Variants in CAMSAP3 observed in about 807,000 individuals in gnomAD.
CAMSAP3 encodes calmodulin regulated spectrin associated protein family member 3, also known as calmodulin-regulated spectrin-associated protein 3.
In CAMSAP3, 34 loss-of-function variants were observed where a neutral mutation model predicts 112.5. The ratio of observed to expected loss-of-function variants is 0.30; its 90% CI spans 0.23 to 0.40. The LOEUF is 0.40. Among genes scored for constraint, CAMSAP3 ranks in the 10% least tolerant of loss-of-function variants. The probability of loss-of-function intolerance (pLI) is 1.00; values close to 1 mark genes in which losing one functional copy is unlikely to be tolerated. For missense variants in CAMSAP3, 1,602 were observed against 1,770.3 expected, an observed-to-expected ratio of 0.90 and a Z score of 1.71; for synonymous variants, 868 against 799.8, an observed-to-expected ratio of 1.09 and a Z score of -1.44.
chr19:7,610,988 G>C lies in CAMSAP3; in HGVS notation c.1049+57G>C. ...ATTGTGGGTGTGGGGCTCCATGTCT[G>C]CCTTGCTGAGCACTGGGACGCAGCT... On this transcript the variant is annotated intron_variant, in intron 8 of 16. Transcript: ENST00000160298. The surrounding 1 kb of genome is among the most constrained non-coding windows in gnomAD (Gnocchi z 4.9). 6.3e-7 allele frequency: 1 copy of C among 1,579,436 alleles called. No homozygotes were observed. The highest frequency in any genetic ancestry group is 8.6e-7 in the Non-Finnish European group (1 of 1,156,480).
At chr19:7,614,259 CAAAAAAAAAAAA>C (rs1173068955) in intron 11 of CAMSAP3, among the ~76,000 whole-genome samples, 1 of 18,772 alleles carries the variant, frequency 5.3e-5, no homozygotes, top group African/African-American at 2.6e-4. Context: ...GACTCCATCT[CAAAAAAAAAAAA>C]AAAAAAAAAA....
rs1317509279 is a variant in CAMSAP3 at position 7,615,561 on chromosome 19, G to A, written c.2954G>A (p.Arg985Gln). Residue 985 changes from arginine (R) to glutamine (Q), a missense_variant, in exon 13 of 17, where the codon CGG (arginine) becomes CAG (glutamine). By Grantham distance (43) the Arg-to-Gln change is conservative (BLOSUM62 1). This residue lies in a region of CAMSAP3 where 1,100 missense variants were observed against 1,135.7 expected (regional missense o/e 0.97). Coordinates refer to ENST00000160298, the MANE Select transcript of CAMSAP3 (RefSeq NM_020902.2). The surrounding 1 kb of genome is among the most constrained non-coding windows in gnomAD (Gnocchi z 6.5). ...TTCACGCGGCAGGAGTACGAGCGCC[G>A]GGCCCAGCTGAAGCTGATGGACGAC... The part of the protein sequence containing the change: ...GDFTRQEYER[R>Q]AQLKLMDDLD... 5 of 1,517,554 alleles carry A rather than the reference G, an allele frequency of 3.3e-6. No homozygotes were observed. The highest frequency in any genetic ancestry group is 4.4e-6 in the Non-Finnish European group (5 of 1,133,562). 94.0% of individuals were successfully genotyped at this position (1,517,554 alleles called of 1,614,324 possible).
chr19:7,609,923 G>A (rs921617412), intron 5 of CAMSAP3, among the ~76,000 whole-genome samples: 5 of 152,090 alleles, frequency 3.3e-5, no homozygotes, highest in East Asian at 1.9e-4. Flanking sequence ...GACGGGGAGC[G>A]GCTGTAAATA....
rs868386337 is a variant in CAMSAP3, at chr19:7,605,423, G to A, written c.346G>A (p.Ala116Thr). Reference protein sequence around the residue: ...ALLARRGTVPALPERPVREAD... With the variant: ...ALLARRGTVPTLPERPVREAD... ...GCTGGCGCGGAGGGGCACAGTGCCT[G>A]CTTTGCCCGAGCGCCCGGTGCGCGA... Residue 116 changes from alanine (A) to threonine (T), a missense_variant, in exon 2 of 17, where the codon GCT becomes ACT. Around this residue, in one of 6 missense-constraint regions of CAMSAP3, gnomAD observed 35 missense variants for 79.8 expected, o/e 0.44. Transcript: ENST00000160298. 4.1e-6 allele frequency: 6 copies of A among 1,473,072 alleles called. No homozygotes were observed. The Middle Eastern group carries it at 5.4e-4, about 133-fold the overall frequency. 91.3% of individuals were successfully genotyped at this position (1,473,072 alleles called of 1,614,324 possible).
chr19:7,615,234 G>C lies in CAMSAP3; in HGVS notation c.2722G>C (p.Glu908Gln). Residue 908 changes from glutamate (E) to glutamine (Q), a missense_variant, in exon 12 of 17, where the codon GAG becomes CAG. Coordinates refer to ENST00000160298, the MANE Select transcript of CAMSAP3 (RefSeq NM_020902.2). The surrounding 1 kb of genome is among the most constrained non-coding windows in gnomAD (Gnocchi z 6.5). ...EMAQKRASLL[E>Q]RQQRRAEEAR... ...GGCCCAAAAGCGGGCCAGCCTGCTG[G>C]AGCGGCAGCAGCGGCGAGCAGAGGA... is the stretch of plus-strand genomic sequence containing the variant. 1.3e-6 allele frequency: 2 copies of C among 1,552,300 alleles called. No individual in the cohort carries two copies. Among genetic ancestry groups the C allele is most frequent in the Non-Finnish European group, 1.7e-6 (2 of 1,148,046 alleles).
chr19:7,601,510 G>C (rs1032791787), intron 1 of CAMSAP3, among the ~76,000 whole-genome samples: 9 of 151,900 alleles, frequency 5.9e-5, no homozygotes, highest in Non-Finnish European at 1.3e-4. Flanking sequence ...GTAGAGGTGG[G>C]GTTTCACCAT....
At position 7,607,411 on chromosome 19, in the gene CAMSAP3, C is replaced by T. The variant is rs1049477045; in HGVS notation, c.622-715C>T. Among the ~76,000 whole-genome samples, 2 of 152,212 alleles carry T rather than the reference C, an allele frequency of 1.3e-5. No homozygotes were observed. The highest frequency in any genetic ancestry group is 6.5e-5 in the Admixed American group (1 of 15,286). ...TGTGACCTTGCAGAAGTATCTAAAC[C>T]TCTCTGTGCTTCATATAAATTACTC... On this transcript the variant is annotated intron_variant, in intron 4 of 16. Coordinates refer to ENST00000160298, the MANE Select transcript of CAMSAP3 (RefSeq NM_020902.2). The surrounding 1 kb of genome is among the most constrained non-coding windows in gnomAD (Gnocchi z 4.9).
At chr19:7,606,712 C>T (rs1413740681) in intron 4 of CAMSAP3, 141 bp downstream of exon 4, 1 of 1,608,024 alleles carries the variant, frequency 6.2e-7, no homozygotes, top group African/African-American at 1.3e-5. Context: ...CTCTCAATCT[C>T]TCTGTGCCCT....
At position 7,611,269 on chromosome 19, in the gene CAMSAP3, C is replaced by T; in HGVS notation, c.1123+101C>T. 1 of 1,203,314 alleles carries T rather than the reference C, an allele frequency of 8.3e-7. No individual in the cohort carries two copies. The highest frequency in any genetic ancestry group is 1.2e-6 in the Non-Finnish European group (1 of 826,546). 74.5% of individuals were successfully genotyped at this position (1,203,314 alleles called of 1,614,324 possible). A position where few individuals can be genotyped will look rare whatever the true frequency, so the allele number is the denominator to read the frequency against. ...CTCCTCGTGAGCCTTCCAATAGCCT[C>T]TCCATCAGATCCCCCTTGGGCATCC... On this transcript the variant is annotated intron_variant, in intron 9 of 16. Coordinates refer to ENST00000160298, the MANE Select transcript of CAMSAP3 (RefSeq NM_020902.2). The surrounding 1 kb of genome is among the most constrained non-coding windows in gnomAD (Gnocchi z 6.9).
Position 7,610,883 on chromosome 19 carries a change from C to G in CAMSAP3, c.1001C>G (p.Ser334Cys), listed in dbSNP as rs1233404184. 6.9e-6 allele frequency: 11 copies of G among 1,595,404 alleles called. No homozygotes were observed. The highest frequency in any genetic ancestry group is 9.4e-6 in the Non-Finnish European group (11 of 1,171,192). The change falls in exon 8 of 17, where the codon TCC becomes TGC. Residue 334 changes from serine to cysteine, a missense_variant. This residue lies in a region of CAMSAP3 where 1,100 missense variants were observed against 1,135.7 expected (regional missense o/e 0.97). Transcript: ENST00000160298. This position sits in a 1 kb window ranked among gnomAD's most constrained non-coding sequence, Gnocchi z 4.9. ...CCTCTTCTCTGTACTGCAGCTGCCT[C>G]CCCCCGGGGCACTGAGGCCTCCCCA... is the stretch of plus-strand genomic sequence containing the variant. ...VKDLPDGHAA[S>C]PRGTEASPPQ...
Position 7,615,627 on chromosome 19 carries a change from G to A in CAMSAP3, c.3020G>A (p.Gly1007Asp), listed in dbSNP as rs901511842. The A allele has an allele frequency of 6.9e-7, 1 of 1,444,644 alleles. No individual in the cohort carries two copies. Among genetic ancestry groups the A allele is most frequent in the Non-Finnish European group, 9.1e-7 (1 of 1,101,478 alleles). 89.5% of individuals were successfully genotyped at this position (1,444,644 alleles called of 1,614,324 possible). A position where few individuals can be genotyped will look rare whatever the true frequency, so the allele number is the denominator to read the frequency against. Residue 1007 changes from glycine to aspartate, a missense_variant, in exon 13 of 17, where the codon GGT (glycine) becomes GAT (aspartate). Around this residue, in one of 6 missense-constraint regions of CAMSAP3, gnomAD observed 1,100 missense variants for 1,135.7 expected, o/e 0.97. Coordinates refer to ENST00000160298, the MANE Select transcript of CAMSAP3 (RefSeq NM_020902.2). This position sits in a 1 kb window ranked among gnomAD's most constrained non-coding sequence, Gnocchi z 6.5. ...VLRPRAAGSG[G>D]PGRGGRRATR... is the part of the protein sequence containing the mutation. ...CGGCCCCGGGCTGCGGGGTCCGGGG[G>A]TCCAGGTCGGGGCGGGCGGAGGGCC...
intron 2 of CAMSAP3, 60 bp from the exon 3 acceptor site, chr19:7,606,211 G>C (rs866877609): frequency 6.5e-7 from 1 of 1,532,144 alleles, no homozygotes; most frequent in Middle Eastern, 1.7e-4. Flanking sequence ...CAGGCCCTTG[G>C]GGGCCGAGGT....
In CAMSAP3 at chr19:7,612,428, C is replaced by T. The variant is rs1429185639; in HGVS notation, c.1935C>T (p.Ala645=). ...TCCTGCAGGTGCAGCCGCGGGAAGC[C>T]TCTGGGGAGGCGGAAGCAGAGGCGG... The part of the protein sequence containing the change: ...SAFLQVQPRE[A]SGEAEAEAEE... The change falls in exon 11 of 17, where the codon GCC becomes GCT. Residue 645 remains alanine (A), a synonymous_variant. Transcript: ENST00000160298. The T allele has an allele frequency of 4.4e-6, 7 of 1,592,414 alleles. No individual in the cohort carries two copies. The highest frequency in any genetic ancestry group is 1.1e-5 in the South Asian group (1 of 88,462).
chr19:7,606,746 G>C, intron 4 of CAMSAP3, 175 bp downstream of exon 4: 1 of 1,613,510 alleles, frequency 6.2e-7, no homozygotes, highest in Non-Finnish European at 8.5e-7. Context: ...GCCGGTACCC[G>C]CTGCCCTCCT....
At position 7,612,938 on chromosome 19, in the gene CAMSAP3, G is replaced by T. The variant is rs751088112; in HGVS notation, c.2445G>T (p.Pro815=). The T allele has an allele frequency of 6.2e-6, 10 of 1,609,166 alleles. No homozygotes were observed. The highest frequency in any genetic ancestry group is 4.0e-5 in the African/African-American group (3 of 74,800). Residue 815 remains proline (P), a synonymous_variant, in exon 11 of 17, where the codon CCG becomes CCT. Transcript: ENST00000160298. ...DSLPHLRKFS[P]SQVPVQTRSS... is the part of the protein sequence containing the mutation. ...TCCCCCACCTGCGCAAGTTCTCGCC[G>T]AGCCAGGTGCCCGTGCAGACGCGCT...
At chr19:7,604,747 G>A (rs984676998) in intron 1 of CAMSAP3, among the ~76,000 whole-genome samples, 8 of 152,122 alleles carry the variant, frequency 5.3e-5, no homozygotes, top group African/African-American at 1.9e-4. Flanking sequence ...TTCCTTCTCT[G>A]TGCCTCAGTT....
At chr19:7,601,752 T>TAAAATAAAATA (rs1292798127) in intron 1 of CAMSAP3, among the ~76,000 whole-genome samples, 75 of 148,032 alleles carry the variant, frequency 5.1e-4, no homozygotes, top group African/African-American at 1.9e-3. Flanking sequence ...TAAAATAAAA[T>TAAAATAAAATA]AAATGAATAA....
rs1346229229 is a variant in CAMSAP3, at chr19:7,606,468, C to A, written c.526-8C>A. On this transcript the variant is annotated splice_polypyrimidine_tract_variant and splice_region_variant and intron_variant, in intron 3 of 16. Transcript: ENST00000160298. Reference sequence around the variant, plus strand: ...GGCCAGACCACTGACCCCCTCCCTGCCCTCCAGACCGTCCGGCGGCTGCAG... The same window carrying A: ...GGCCAGACCACTGACCCCCTCCCTGACCTCCAGACCGTCCGGCGGCTGCAG... 6.2e-7 allele frequency: 1 copy of A among 1,602,456 alleles called. No homozygotes were observed. The highest frequency in any genetic ancestry group is 8.5e-7 in the Non-Finnish European group (1 of 1,178,372).
At position 7,617,035 on chromosome 19, in the gene CAMSAP3, GC is replaced by G. The variant is rs2030846043; in HGVS notation, c.3213-286del. 1.5e-5 allele frequency among the ~76,000 whole-genome samples: 2 copies of G among 135,454 alleles called. No individual in the cohort carries two copies. The highest frequency in any genetic ancestry group is 5.6e-5 in the African/African-American group (2 of 35,580). The allele number at this position is 135,454 out of a possible 152,430, so 88.9% of individuals were successfully genotyped here. A position where few individuals can be genotyped will look rare whatever the true frequency, so the allele number is the denominator to read the frequency against. On this transcript the variant is annotated intron_variant, in intron 14 of 16. Coordinates refer to ENST00000160298, the MANE Select transcript of CAMSAP3 (RefSeq NM_020902.2). This position sits in a 1 kb window ranked among gnomAD's most constrained non-coding sequence, Gnocchi z 7.5. ...GCAATCTTGGCTCACGGCAACCTCC[GC>G]CCCCTGGGTGCAAGTGATTCTCGTG... is the stretch of plus-strand genomic sequence containing the variant.
Sources: allele counts gnomAD v4.1 joint callset (sites outside exome capture counted in the v4.1 genomes callset), GRCh38; gene constraint gnomAD v4.1.1; regional missense constraint gnomAD v4.1.1; non-coding constraint Gnocchi (gnomAD v3.1); transcripts MANE v1.5; gene names NCBI Gene and HGNC (gene_info 2026-07-23, HGNC 2026-07-21).